The following PDE7A variants were observed in gnomAD, a reference collection of about 807,000 sequenced individuals.
The protein encoded by PDE7A is high affinity 3',5'-cyclic-AMP phosphodiesterase 7A.
Under a neutral mutation model 64.3 loss-of-function variants are expected in PDE7A, and 39 were observed. The observed-to-expected ratio is 0.61, with a 90% CI of 0.47 to 0.79. The LOEUF (loss-of-function observed/expected upper bound fraction) is 0.79, where lower values mean the gene tolerates loss of function less well. Ranked by LOEUF, PDE7A falls within the 30% of genes least tolerant of loss-of-function variation. The pLI, the probability that PDE7A is intolerant of heterozygous loss-of-function variation, is 0.00. For missense variants in PDE7A, 470 were observed against 582.8 expected (o/e 0.81, Z 1.99); for synonymous variants, 203 against 206.8 (o/e 0.98, Z 0.16).
At chr8:65,731,243 T>G (rs925295033) in intron 7 of PDE7A, among the ~76,000 whole-genome samples, 2 of 152,092 alleles carry the variant, frequency 1.3e-5, no homozygotes, top group African/African-American at 4.8e-5. Flanking sequence ...CATGAATAAG[T>G]GTACATCTGC....
intron 5 of PDE7A, among the ~76,000 whole-genome samples, chr8:65,744,876 C>G (rs1807600655): frequency 6.6e-6 from 1 of 152,132 alleles, no homozygotes; most frequent in Non-Finnish European, 1.5e-5. Context: ...GAGATTGATT[C>G]TGTAGGCTTT....
At chr8:65,768,478 T>G (rs1394974969) in intron 3 of PDE7A, among the ~76,000 whole-genome samples, 2 of 152,218 alleles carry the variant, frequency 1.3e-5, no homozygotes, top group African/African-American at 4.8e-5. Flanking sequence ...CCTTGTCTGC[T>G]GCCATGTGAG....
chr8:65,754,251 G>A (rs552844742), intron 3 of PDE7A, among the ~76,000 whole-genome samples: 11 of 151,832 alleles, frequency 7.2e-5, no homozygotes, highest in South Asian at 2.1e-4. Flanking sequence ...GTGCCCCCCC[G>A]CCCCAAGATT....
Position 65,739,567 on chromosome 8 carries a change from A to G in PDE7A, c.530T>C (p.Leu177Ser). 1 of 1,558,474 alleles carries G rather than the reference A, an allele frequency of 6.4e-7. No individual in the cohort carries two copies. The highest frequency in any genetic ancestry group is 8.6e-7 in the Non-Finnish European group (1 of 1,158,130). The part of the protein sequence containing the change: ...GNSLVSLTFH[L>S]FSLHGLIEYF... ...CTCAATTAATCCATGAAGACTAAAT[A>G]AATGAAAGGTTAAGCTTACTAGACT... Residue 177 changes from leucine (L) to serine (S), a missense_variant, in exon 6 of 13, where the codon TTA (leucine) becomes TCA (serine). Coordinates refer to ENST00000401827, the MANE Select transcript of PDE7A (RefSeq NM_001242318.3).
At chr8:65,746,084 C>T (rs1376988639) in intron 4 of PDE7A, among the ~76,000 whole-genome samples, 2 of 151,398 alleles carry the variant, frequency 1.3e-5, no homozygotes, top group Admixed American at 6.6e-5. Flanking sequence ...GCATGTGTTA[C>T]CATACCTGGC....
chr8:65,735,918 C>A (rs569202612), intron 6 of PDE7A, among the ~76,000 whole-genome samples: 5 of 152,278 alleles, frequency 3.3e-5, no homozygotes, highest in Admixed American at 2.0e-4. Flanking sequence ...AGCCACCATG[C>A]CCGGCCGTAT....
chr8:65,772,769 C>G (rs1809143895), intron 3 of PDE7A, among the ~76,000 whole-genome samples: 1 of 152,010 alleles, frequency 6.6e-6, no homozygotes, highest in African/African-American at 2.4e-5. Flanking sequence ...TTTGGGAGGC[C>G]AAGGCAGGCA....
intron 1 of PDE7A, among the ~76,000 whole-genome samples, chr8:65,815,058 G>A (rs1217058197): frequency 2.0e-5 from 3 of 151,066 alleles, no homozygotes; most frequent in Non-Finnish European, 2.9e-5. Flanking sequence ...TTCAGGCTGT[G>A]TGACAGAGTG....
At chr8:65,802,090 T>C (rs1043699882) in intron 1 of PDE7A, among the ~76,000 whole-genome samples, 3 of 152,204 alleles carry the variant, frequency 2.0e-5, no homozygotes, top group Non-Finnish European at 4.4e-5. Flanking sequence ...AGCCACATGA[T>C]CTAACATCAA....
At position 65,842,003 on chromosome 8, in the gene PDE7A, C is replaced by G. The variant is rs1192540484; in HGVS notation, c.-495G>C. ...CGCCGCCGCCGCCGCCGGAGTCCTG[C>G]TCCTCCCCTCCCCCGGAGCCTGACT... On this transcript the variant is annotated 5_prime_UTR_variant, in exon 1 of 13. Transcript: ENST00000401827. 3 of 243,060 alleles carry G rather than the reference C, an allele frequency of 1.2e-5. No homozygotes were observed. The highest frequency in any genetic ancestry group is 2.3e-5 in the Non-Finnish European group (3 of 128,264). The allele number at this position is 243,060 out of a possible 1,614,324, so 15.1% of individuals were successfully genotyped here. A position where few individuals can be genotyped will look rare whatever the true frequency, so the allele number is the denominator to read the frequency against.
At chr8:65,774,781 T>C (rs540177381) in intron 3 of PDE7A, among the ~76,000 whole-genome samples, 8 of 152,190 alleles carry the variant, frequency 5.3e-5, no homozygotes, top group Admixed American at 1.3e-4. Context: ...AAAATAACTA[T>C]ATTTTCCAAA....
At position 65,774,935 on chromosome 8, in the gene PDE7A, A is replaced by G. The variant is rs1203006064; in HGVS notation, c.283+4785T>C. Among the ~76,000 whole-genome samples, 2 of 152,320 alleles carry G rather than the reference A, an allele frequency of 1.3e-5. 1 individual carries two copies. The highest frequency in any genetic ancestry group is 4.1e-4 in the South Asian group (2 of 4,834). On this transcript the variant is annotated intron_variant, in intron 3 of 12. Coordinates refer to ENST00000401827, the MANE Select transcript of PDE7A (RefSeq NM_001242318.3). ...AATAAAAGCAAAAAAGGCAAATAAC[A>G]TCTTAGTATTACGATGAAAATAGTT... is the stretch of plus-strand genomic sequence containing the variant.
chr8:65,742,820 G>C (rs1394843993), intron 5 of PDE7A, among the ~76,000 whole-genome samples: 1 of 152,208 alleles, frequency 6.6e-6, no homozygotes, highest in Admixed American at 6.5e-5. Flanking sequence ...AGCTAACCAT[G>C]AGTGGTTTCT....
At chr8:65,812,665 TA>T (rs1331597855) in intron 1 of PDE7A, among the ~76,000 whole-genome samples, 1 of 152,196 alleles carries the variant, frequency 6.6e-6, no homozygotes, top group Non-Finnish European at 1.5e-5. Context: ...AATATTGTAA[TA>T]AAACCTTATT....
At chr8:65,820,344 T>G (rs946252409) in intron 1 of PDE7A, among the ~76,000 whole-genome samples, 2 of 152,104 alleles carry the variant, frequency 1.3e-5, no homozygotes, top group Non-Finnish European at 2.9e-5. Context: ...TGCTGTGAGC[T>G]GAGATCATGC....
chr8:65,798,724 G>A (rs1013157424), intron 1 of PDE7A, among the ~76,000 whole-genome samples: 5 of 152,100 alleles, frequency 3.3e-5, no homozygotes, highest in African/African-American at 1.2e-4. Context: ...AATATCTCGT[G>A]TTATCAAGGA....
chr8:65,798,206 A>ATTT (rs1554568896), intron 1 of PDE7A, among the ~76,000 whole-genome samples: 852 of 73,754 alleles, frequency 0.012, 12 homozygotes, highest in Non-Finnish European at 0.014. Context: ...ATATATATAT[A>ATTT]TTTTTTTTTT....
rs538310283 is a variant in PDE7A, at chr8:65,746,016, G to T, written c.436-546C>A. On this transcript the variant is annotated intron_variant, in intron 4 of 12. Transcript: ENST00000401827. ...AAACAAGACGGCTCACTGCAGCCAT[G>T]ACCTCCTGGGCTCGAGCAATCCTCC... 3.8e-4 allele frequency among the ~76,000 whole-genome samples: 57 copies of T among 151,884 alleles called. No individual in the cohort carries two copies. In the South Asian group the frequency reaches 0.012, roughly 31 times the overall value.
chr8:65,762,251 C>G (rs1808534126), intron 3 of PDE7A, among the ~76,000 whole-genome samples: 1 of 152,114 alleles, frequency 6.6e-6, no homozygotes, highest in Non-Finnish European at 1.5e-5. Flanking sequence ...TCAAAAAGAA[C>G]AGGAGTGGTA....
Sources: gnomAD v4.1 joint callset for allele counts (sites outside exome capture counted in the v4.1 genomes callset) on GRCh38, gnomAD v4.1.1 for gene constraint, MANE v1.5 for transcripts, NCBI Gene and HGNC (gene_info 2026-07-23, HGNC 2026-07-21) for gene names.